CATSPERT: variants seen among roughly 807,000 people sequenced by gnomAD.
The protein encoded by CATSPERT is catsper channel auxiliary subunit tau, also known as cation channel sperm-associated targeting subunit tau.
the CATSPERT span, among the ~76,000 whole-genome samples, chr2:201,519,271 C>T: frequency 6.6e-6 from 1 of 152,182 alleles, no homozygotes; most frequent in Non-Finnish European, 1.5e-5. Flanking sequence ...GCACAGATTA[C>T]AGCTGAAGAA....
At chr2:201,603,354 A>AT in the CATSPERT span, 1 of 1,257,892 alleles carries the variant, frequency 7.9e-7, no homozygotes, top group Non-Finnish European at 1.1e-6. Flanking sequence ...ACTGAGCTCT[A>AT]TTTTTAAAAA....
At chr2:201,539,475 G>A in the CATSPERT span, among the ~76,000 whole-genome samples, 6 of 142,028 alleles carry the variant, frequency 4.2e-5, no homozygotes, top group African/African-American at 1.5e-4. Flanking sequence ...CTTTTGAAAA[G>A]TGTCTGTTCA....
the CATSPERT span, chr2:201,575,133 A>G: frequency 8.7e-6 from 5 of 572,668 alleles, no homozygotes; most frequent in African/African-American, 9.7e-5. Flanking sequence ...TCTATTTCAT[A>G]CATTTCTACT....
the CATSPERT span, among the ~76,000 whole-genome samples, chr2:201,588,939 A>G: frequency 1.3e-5 from 2 of 152,184 alleles, no homozygotes; most frequent in African/African-American, 4.8e-5. Flanking sequence ...ATGTGCAAAA[A>G]TCACTAGCAT....
At chr2:201,590,602 G>A in the CATSPERT span, among the ~76,000 whole-genome samples, 4 of 152,158 alleles carry the variant, frequency 2.6e-5, no homozygotes, top group African/African-American at 9.6e-5. Flanking sequence ...AGTCCCACCA[G>A]CAGTGTAAAA....
the CATSPERT span, among the ~76,000 whole-genome samples, chr2:201,597,128 C>A: frequency 2.6e-5 from 4 of 152,148 alleles, no homozygotes; most frequent in African/African-American, 9.7e-5. Flanking sequence ...ATAGAGGCTT[C>A]GTTAGAGGAT....
At chr2:201,577,034 A>G in the CATSPERT span, among the ~76,000 whole-genome samples, 4 of 152,238 alleles carry the variant, frequency 2.6e-5, no homozygotes, top group African/African-American at 9.6e-5. Flanking sequence ...ATGACACAGA[A>G]GTAAAAAAAC....
the CATSPERT span, among the ~76,000 whole-genome samples, chr2:201,589,310 C>T: frequency 6.6e-6 from 1 of 152,020 alleles, no homozygotes; most frequent in Non-Finnish European, 1.5e-5. Flanking sequence ...CAATCCTAAG[C>T]AAAAATAACA....
At chr2:201,595,906 CAAA>C in the CATSPERT span, among the ~76,000 whole-genome samples, 359 of 142,060 alleles carry the variant, frequency 2.5e-3, 3 homozygotes, top group Admixed American at 3.6e-3. Flanking sequence ...ACTAAAAACT[CAAA>C]AAAAAAAAAA....
At chr2:201,615,734 C>T in the CATSPERT span, among the ~76,000 whole-genome samples, 2 of 151,954 alleles carry the variant, frequency 1.3e-5, no homozygotes, top group East Asian at 1.9e-4. Context: ...GATAGAGACA[C>T]AAAAAAACCT....
the CATSPERT span, among the ~76,000 whole-genome samples, chr2:201,596,011 G>A: frequency 1.3e-5 from 2 of 151,820 alleles, no homozygotes; most frequent in Non-Finnish European, 2.9e-5. Context: ...GTGGAAGACA[G>A]TGTGGTGATT....
chr2:201,499,295 A>G, the CATSPERT span, among the ~76,000 whole-genome samples: 1 of 152,202 alleles, frequency 6.6e-6, no homozygotes, highest in Non-Finnish European at 1.5e-5. Context: ...GATATTCAAG[A>G]GGATATTGAG....
chr2:201,488,703 C>G, the CATSPERT span, among the ~76,000 whole-genome samples: 1 of 152,054 alleles, frequency 6.6e-6, no homozygotes, highest in Admixed American at 6.6e-5. Context: ...TTGATTTGAA[C>G]ACAGGTGGGG....
the CATSPERT span, among the ~76,000 whole-genome samples, chr2:201,561,443 T>C: frequency 6.6e-6 from 1 of 152,228 alleles, no homozygotes; most frequent in Non-Finnish European, 1.5e-5. Flanking sequence ...GAGGATGAGA[T>C]AGGAGAGAAA....
At chr2:201,613,418 A>G in the CATSPERT span, among the ~76,000 whole-genome samples, 1 of 152,198 alleles carries the variant, frequency 6.6e-6, no homozygotes, top group South Asian at 2.1e-4. Flanking sequence ...TGCAGCCTCC[A>G]CTGGTGATAC....
At chr2:201,565,853 T>C in the CATSPERT span, 1 of 1,591,332 alleles carries the variant, frequency 6.3e-7, no homozygotes, top group East Asian at 2.2e-5. Flanking sequence ...TATTCTACTG[T>C]CTGTGGTGTA....
the CATSPERT span, among the ~76,000 whole-genome samples, chr2:201,608,633 G>A: frequency 3.3e-5 from 5 of 151,902 alleles, no homozygotes; most frequent in Admixed American, 1.3e-4. Flanking sequence ...CCTGGGCTAC[G>A]TGGCAAAACC....
chr2:201,516,642 C>T, the CATSPERT span, among the ~76,000 whole-genome samples: 1 of 152,150 alleles, frequency 6.6e-6, no homozygotes, highest in Non-Finnish European at 1.5e-5. Flanking sequence ...TGGCACATGA[C>T]TATATATTGA....
the CATSPERT span, among the ~76,000 whole-genome samples, chr2:201,513,945 A>G: frequency 6.6e-4 from 101 of 152,306 alleles, no homozygotes; most frequent in Admixed American, 1.4e-3. Flanking sequence ...TTTCTGAGTA[A>G]CCGATCCATC....
Sources: allele counts gnomAD v4.1 joint callset (sites outside exome capture counted in the v4.1 genomes callset), GRCh38; gene constraint gnomAD v4.1.1; transcripts MANE v1.5; gene names NCBI Gene and HGNC (gene_info 2026-07-23, HGNC 2026-07-21).